The following PDE8B variants were observed in gnomAD, a reference collection of about 807,000 sequenced individuals.
The protein encoded by PDE8B is phosphodiesterase 8B.
A neutral mutation model predicts 101.3 loss-of-function variants in PDE8B; 26 were observed. The ratio of observed to expected loss-of-function variants is 0.26; its 90% confidence interval spans 0.19 to 0.36. The LOEUF (loss-of-function observed/expected upper bound fraction) is 0.36. Ranked by LOEUF, PDE8B falls within the 10% of genes least tolerant of loss-of-function variation. The pLI is 1.00. For missense variants in PDE8B, 810 were observed against 1,163.1 expected, an observed-to-expected ratio of 0.70 and a Z score of 4.42; for synonymous variants, 424 against 429.3, an observed-to-expected ratio of 0.99 and a Z score of 0.15.
At chr5:77,231,358 C>G (rs1298961020) in intron 1 of PDE8B, among the ~76,000 whole-genome samples, 1 of 152,104 alleles carries the variant, frequency 6.6e-6, no homozygotes, top group Non-Finnish European at 1.5e-5. Context: ...TTGCTTTTTA[C>G]TTGGATTAAA....
Position 77,335,560 on chromosome 5 carries a change from TGTGTGA to T in PDE8B, c.709-1665_709-1660del, listed in dbSNP as rs879401884. Among the ~76,000 whole-genome samples the T allele has an allele frequency of 5.5e-4, 67 of 120,904 alleles. No individual in the cohort carries two copies. In the East Asian group the frequency reaches 0.01, roughly 19 times the overall value. The allele number at this position is 120,904 out of a possible 152,430, so 79.3% of individuals were successfully genotyped here. On this transcript the variant is annotated intron_variant, in intron 5 of 21. Coordinates refer to ENST00000264917, the MANE Select transcript of PDE8B (RefSeq NM_003719.5). ...GTGTGTGTGTGTGTGTGTGTGTGTG[TGTGTGA>T]GAGAGAGAGGAAGGAGTGAGGAGAG...
At chr5:77,395,373 C>G (rs13159632) in intron 10 of PDE8B, among the ~76,000 whole-genome samples, 1 of 23,348 alleles carries the variant, frequency 4.3e-5, no homozygotes, top group Non-Finnish European at 8.8e-5. Flanking sequence ...CCTCAGCCTC[C>G]CAAAGTGCTG....
the PDE8B span, among the ~76,000 whole-genome samples, chr5:77,125,200 CTA>C: frequency 6.6e-6 from 1 of 152,086 alleles, no homozygotes; most frequent in African/African-American, 2.4e-5. Context: ...TACATTCTTT[CTA>C]TGTTGTCCAG....
chr5:77,425,969 G>A, intron 21 of PDE8B, 73 bp downstream of exon 21: 1 of 1,459,164 alleles, frequency 6.9e-7, no homozygotes, highest in Non-Finnish European at 9.6e-7. Context: ...GTGACACAGG[G>A]TGAGCCTAAA....
intron 1 of PDE8B, among the ~76,000 whole-genome samples, chr5:77,231,849 C>G (rs982464047): frequency 7.2e-5 from 11 of 152,190 alleles, no homozygotes; most frequent in Non-Finnish European, 1.3e-4. Flanking sequence ...ATTGCCAGGA[C>G]AGGGCACTGA....
the PDE8B span, among the ~76,000 whole-genome samples, chr5:77,104,059 AG>A: frequency 6.6e-6 from 1 of 152,212 alleles, no homozygotes; most frequent in Non-Finnish European, 1.5e-5. Context: ...GGCTGAGGAC[AG>A]CTAAGTTCTT....
chr5:77,098,234 G>A, the PDE8B span, among the ~76,000 whole-genome samples: 1 of 151,286 alleles, frequency 6.6e-6, no homozygotes, highest in Non-Finnish European at 1.5e-5. Context: ...CCCACATGGT[G>A]AATTGTTTTT....
At chr5:77,289,160 TG>T (rs2149921211) in intron 1 of PDE8B, among the ~76,000 whole-genome samples, 1 of 152,286 alleles carries the variant, frequency 6.6e-6, no homozygotes, top group South Asian at 2.1e-4. Flanking sequence ...CTTTTATGCC[TG>T]GGAATATTAT....
At chr5:77,179,807 C>T in the PDE8B span, among the ~76,000 whole-genome samples, 26 of 152,156 alleles carry the variant, frequency 1.7e-4, no homozygotes, top group East Asian at 3.9e-4. Context: ...GAGATCCTCC[C>T]GCCTTGGCCT....
At chr5:77,128,853 G>T in the PDE8B span, among the ~76,000 whole-genome samples, 1 of 152,212 alleles carries the variant, frequency 6.6e-6, no homozygotes, top group Non-Finnish European at 1.5e-5. Flanking sequence ...CCTTTTGTCT[G>T]TGTGGTTGTA....
At chr5:77,122,460 G>C in the PDE8B span, among the ~76,000 whole-genome samples, 1 of 152,316 alleles carries the variant, frequency 6.6e-6, no homozygotes, top group African/African-American at 2.4e-5. Flanking sequence ...ATTTCTGCTA[G>C]TGCGTACATT....
chr5:77,103,480 G>A, the PDE8B span, among the ~76,000 whole-genome samples: 2 of 152,116 alleles, frequency 1.3e-5, no homozygotes, highest in African/African-American at 2.4e-5. Flanking sequence ...TATAGCACAC[G>A]GGAATAGCAG....
At chr5:77,393,888 G>A (rs991647126) in intron 10 of PDE8B, among the ~76,000 whole-genome samples, 5 of 152,106 alleles carry the variant, frequency 3.3e-5, no homozygotes, top group African/African-American at 9.7e-5. Context: ...TTTAGACAAC[G>A]TACCAAGTTA....
chr5:77,182,958 A>G, the PDE8B span, among the ~76,000 whole-genome samples: 21 of 152,000 alleles, frequency 1.4e-4, no homozygotes, highest in Admixed American at 1.3e-3. Context: ...TTAAAAAGCC[A>G]CAAAGAACCT....
At chr5:77,097,732 T>TATATATATATATATATATAC in the PDE8B span, among the ~76,000 whole-genome samples, 38 of 65,162 alleles carry the variant, frequency 5.8e-4, no homozygotes, top group African/African-American at 1.4e-3. Flanking sequence ...TATATATATA[T>TATATATATATATATATATAC]ACATACATAT....
At chr5:77,169,639 G>A in the PDE8B span, among the ~76,000 whole-genome samples, 10 of 152,186 alleles carry the variant, frequency 6.6e-5, no homozygotes, top group Non-Finnish European at 1.2e-4. Flanking sequence ...AGATCAGCAT[G>A]TCTGGAAGGC....
At chr5:77,329,538 G>A (rs1010491412) in intron 4 of PDE8B, among the ~76,000 whole-genome samples, 3 of 152,206 alleles carry the variant, frequency 2.0e-5, no homozygotes, top group African/African-American at 7.2e-5. Flanking sequence ...GCTAGAGGCA[G>A]GACAGTAGAG....
chr5:77,243,724 A>G (rs943034619), intron 1 of PDE8B, among the ~76,000 whole-genome samples: 1 of 152,172 alleles, frequency 6.6e-6, no homozygotes, highest in Admixed American at 6.6e-5. Context: ...TGGATAGGAC[A>G]CATTTTGTTT....
intron 17 of PDE8B, among the ~76,000 whole-genome samples, chr5:77,414,545 T>C (rs1795147441): frequency 6.6e-6 from 1 of 151,844 alleles, no homozygotes; most frequent in South Asian, 2.1e-4. Flanking sequence ...CTCAGCCTCC[T>C]GAGTAGCTGG....
Sources: gnomAD v4.1 joint callset for allele counts (sites outside exome capture counted in the v4.1 genomes callset) on GRCh38, gnomAD v4.1.1 for gene constraint, MANE v1.5 for transcripts, NCBI Gene and HGNC (gene_info 2026-07-23, HGNC 2026-07-21) for gene names.